The following GALNT17 variants were observed in gnomAD, a reference collection of about 807,000 sequenced individuals.
GALNT17 encodes UDP-GalNAc:polypeptide N-acetylgalactosaminyltransferase-like 3.
Under a neutral mutation model 63.7 loss-of-function variants are expected in GALNT17, and 29 were observed. The ratio of observed to expected loss-of-function variants is 0.46; its 90% confidence interval spans 0.34 to 0.62. The LOEUF (loss-of-function observed/expected upper bound fraction) is 0.62. GALNT17 is among the 20% of genes least tolerant of loss of function. The pLI is 0.01. For missense variants in GALNT17, 603 were observed against 799.6 expected, an observed-to-expected ratio of 0.75 and a Z score of 2.97; for synonymous variants, 305 against 318.3, an observed-to-expected ratio of 0.96 and a Z score of 0.45.
intron 9 of GALNT17, among the ~76,000 whole-genome samples, chr7:71,687,976 G>A (rs1791387244): frequency 6.6e-6 from 1 of 152,114 alleles, no homozygotes; most frequent in Non-Finnish European, 1.5e-5. Context: ...GGGATTACAA[G>A]TATGAGCCAC....
chr7:71,603,899 A>G (rs1284888704), intron 6 of GALNT17, among the ~76,000 whole-genome samples: 1 of 123,088 alleles, frequency 8.1e-6, no homozygotes, highest in African/African-American at 2.7e-5. Context: ...TGCTAAGTGC[A>G]TACAGTGGAT....
rs188420768 is a variant in GALNT17, at chr7:71,389,015, C to T, written c.589+614C>T. On this transcript the variant is annotated intron_variant, in intron 3 of 10. Coordinates refer to ENST00000333538, the MANE Select transcript of GALNT17 (RefSeq NM_022479.3). ...AGCTTCATTTATTTTTACAGCTGCT[C>T]CCCAATGCTGGAATTACTGCCTGAG... Among the ~76,000 whole-genome samples the T allele has an allele frequency of 3.0e-4, 46 of 152,258 alleles. 4 individuals are homozygous for T. Among genetic ancestry groups the T allele is most frequent in the East Asian group, 2.9e-3 (15 of 5,160 alleles).
chr7:71,429,685 G>C (rs1295842070), intron 5 of GALNT17, among the ~76,000 whole-genome samples: 1 of 152,066 alleles, frequency 6.6e-6, no homozygotes, highest in Non-Finnish European at 1.5e-5. Flanking sequence ...TGGGACCACA[G>C]GCATGTGCCA....
chr7:71,217,853 C>T (rs34396650), intron 1 of GALNT17, among the ~76,000 whole-genome samples: 5 of 151,280 alleles, frequency 3.3e-5, no homozygotes, highest in African/African-American at 4.9e-5. Context: ...GTGTGAACTC[C>T]GGAGGCGGAG....
At chr7:71,248,772 G>A (rs1013395786) in intron 1 of GALNT17, among the ~76,000 whole-genome samples, 2 of 151,926 alleles carry the variant, frequency 1.3e-5, no homozygotes, top group South Asian at 2.1e-4. Context: ...CAGCTCATTC[G>A]GTCTTCCCCA....
intron 5 of GALNT17, among the ~76,000 whole-genome samples, chr7:71,450,137 A>T (rs573821679): frequency 1.2e-5 from 1 of 86,048 alleles, no homozygotes; most frequent in South Asian, 4.7e-4. Flanking sequence ...TAGTATTTAA[A>T]GATTTTTTTT....
chr7:71,355,684 C>T (rs900927239), intron 2 of GALNT17, among the ~76,000 whole-genome samples: 1 of 151,904 alleles, frequency 6.6e-6, no homozygotes, highest in African/African-American at 2.4e-5. Flanking sequence ...AGGCGTCTAA[C>T]ACTATGCCCA....
rs539979569 is a variant in GALNT17 at position 71,345,702 on chromosome 7, T to A, written c.422+9969T>A. On this transcript the variant is annotated intron_variant, in intron 2 of 10. Coordinates refer to ENST00000333538, the MANE Select transcript of GALNT17 (RefSeq NM_022479.3). Reference sequence around the variant, plus strand: ...TATGTGTATGTGAGTCCTGGTCTTATAATGAATGAGTGGAGCAAATCTACT... The same window carrying A: ...TATGTGTATGTGAGTCCTGGTCTTAAAATGAATGAGTGGAGCAAATCTACT... Among the ~76,000 whole-genome samples, 6 of 152,296 alleles carry A rather than the reference T, an allele frequency of 3.9e-5. No homozygotes were observed. In the South Asian group the frequency reaches 1.2e-3, roughly 32 times the overall value.
intron 9 of GALNT17, among the ~76,000 whole-genome samples, chr7:71,683,705 T>C (rs1791304334): frequency 6.6e-6 from 1 of 152,094 alleles, no homozygotes; most frequent in Non-Finnish European, 1.5e-5. Flanking sequence ...GCCTGAGTTT[T>C]ATTTAAAAAT....
intron 1 of GALNT17, among the ~76,000 whole-genome samples, chr7:71,320,617 T>A (rs1321667719): frequency 6.6e-6 from 1 of 152,116 alleles, no homozygotes; most frequent in Non-Finnish European, 1.5e-5. Flanking sequence ...AGGGTCTTTT[T>A]ATGAAGAATT....
chr7:71,330,473 T>C (rs1288196975), intron 1 of GALNT17, among the ~76,000 whole-genome samples: 1 of 152,168 alleles, frequency 6.6e-6, no homozygotes, highest in Non-Finnish European at 1.5e-5. Context: ...TCATAGCTCA[T>C]TGCAGGCTTG....
intron 1 of GALNT17, among the ~76,000 whole-genome samples, chr7:71,171,510 A>C (rs1320506496): frequency 6.6e-6 from 1 of 152,228 alleles, no homozygotes; most frequent in Non-Finnish European, 1.5e-5. Flanking sequence ...CCAAAAACCA[A>C]AACAAAACAA....
At chr7:71,296,057 C>CT (rs1791073820) in intron 1 of GALNT17, among the ~76,000 whole-genome samples, 1 of 152,044 alleles carries the variant, frequency 6.6e-6, no homozygotes, top group Non-Finnish European at 1.5e-5. Flanking sequence ...AAGTAGTCCT[C>CT]TGCCATTTTT....
chr7:71,586,455 A>G (rs1419543378), intron 6 of GALNT17, among the ~76,000 whole-genome samples: 1 of 152,158 alleles, frequency 6.6e-6, no homozygotes, highest in Non-Finnish European at 1.5e-5. Context: ...GTTGTTTCCA[A>G]TTTGGGACTG....
At chr7:71,141,991 G>A (rs1787903405) in intron 1 of GALNT17, among the ~76,000 whole-genome samples, 1 of 141,352 alleles carries the variant, frequency 7.1e-6, no homozygotes, top group South Asian at 2.3e-4. Flanking sequence ...TGGGATTTCA[G>A]GCATGAGCCA....
intron 3 of GALNT17, among the ~76,000 whole-genome samples, chr7:71,395,781 A>T (rs6969444): frequency 0.12 from 18,404 of 152,122 alleles, 2,512 homozygotes; most frequent in African/African-American, 0.34. Context: ...TTTTAAAATT[A>T]TGGCCAATCT....
intron 1 of GALNT17, among the ~76,000 whole-genome samples, chr7:71,229,079 A>G (rs1353806541): frequency 6.6e-6 from 1 of 152,196 alleles, no homozygotes; most frequent in Non-Finnish European, 1.5e-5. Context: ...TCACCGACAG[A>G]GCAGTATGCG....
intron 1 of GALNT17, among the ~76,000 whole-genome samples, chr7:71,136,150 T>C (rs529086979): frequency 1.4e-4 from 22 of 152,324 alleles, no homozygotes; most frequent in African/African-American, 5.0e-4. Flanking sequence ...GTCCCATCTG[T>C]TGATGCCCTC....
intron 1 of GALNT17, among the ~76,000 whole-genome samples, chr7:71,167,045 CTT>C (rs35735311): frequency 4.6e-4 from 53 of 115,438 alleles, no homozygotes; most frequent in African/African-American, 6.2e-4. Flanking sequence ...TGGCTAAGTA[CTT>C]TTTTTTTTTT....
Sources: gnomAD v4.1 joint callset for allele counts (sites outside exome capture counted in the v4.1 genomes callset) on GRCh38, gnomAD v4.1.1 for gene constraint, MANE v1.5 for transcripts, NCBI Gene and HGNC (gene_info 2026-07-23, HGNC 2026-07-21) for gene names.